Variants in IL27RA observed in about 807,000 individuals in gnomAD.
IL27RA encodes interleukin-27 receptor subunit alpha.
A neutral mutation model predicts 80.8 loss-of-function variants in IL27RA; 61 were observed. The ratio of observed to expected loss-of-function variants is 0.76; its 90% CI spans 0.61 to 0.93. IL27RA has a LOEUF of 0.93. Among genes scored for constraint, IL27RA ranks in the 40% least tolerant of loss-of-function variants. The pLI is 0.00. For missense variants in IL27RA, 735 were observed against 808.1 expected, an observed-to-expected ratio of 0.91 and a Z score of 1.10; for synonymous variants, 316 against 332.5, an observed-to-expected ratio of 0.95 and a Z score of 0.54.
Position 14,052,410 on chromosome 19 carries a change from CA to C in IL27RA, c.*121del. 2 of 823,498 alleles carry C rather than the reference CA, an allele frequency of 2.4e-6. No homozygotes were observed. Among genetic ancestry groups the C allele is most frequent in the Non-Finnish European group, 3.6e-6 (2 of 561,386 alleles). The allele number at this position is 823,498 out of a possible 1,614,324, so 51.0% of individuals were successfully genotyped here. ...CACTGAGGACTCAGAGAGGCTGAGTCACTTACCTGAGGACACCCAGCCAGGC... is the reference window on the plus strand; with the variant it reads ...CACTGAGGACTCAGAGAGGCTGAGTCCTTACCTGAGGACACCCAGCCAGGC... On this transcript the variant is annotated 3_prime_UTR_variant, in exon 14 of 14. Transcript: ENST00000263379.
Position 14,050,839 on chromosome 19 carries a change from C to G in IL27RA, c.1484C>G (p.Ala495Gly). The G allele has an allele frequency of 6.2e-7, 1 of 1,613,486 alleles. No individual in the cohort carries two copies. Among genetic ancestry groups the G allele is most frequent in the Non-Finnish European group, 8.5e-7 (1 of 1,179,500 alleles). The part of the protein sequence containing the change: ...CELWVTASTI[A>G]GQGPPGPILR... ...CTGTGGGTGACAGCATCTACCATCG[C>G]TGGACAGGGCCCTCCTGGTCCCATC... The change falls in exon 11 of 14, where the codon GCT becomes GGT. Residue 495 changes from alanine (A) to glycine (G), a missense_variant. By Grantham distance (60) the Ala-to-Gly change is moderately conservative. Transcript: ENST00000263379.
At chr19:14,038,849 A>G (rs1228012831) in intron 2 of IL27RA, among the ~76,000 whole-genome samples, 1 of 151,310 alleles carries the variant, frequency 6.6e-6, no homozygotes, top group Non-Finnish European at 1.5e-5. Context: ...GCACCATTGC[A>G]CTCCAAGCTG....
intron 10 of IL27RA, 103 bp from the exon 11 acceptor site, chr19:14,050,655 G>A: frequency 7.9e-7 from 1 of 1,263,406 alleles, no homozygotes; most frequent in Non-Finnish European, 1.1e-6. Flanking sequence ...AGGGAGCCAT[G>A]TGGATACCTG....
At chr19:14,045,940 G>T (rs576412763) in intron 6 of IL27RA, among the ~76,000 whole-genome samples, 2 of 152,144 alleles carry the variant, frequency 1.3e-5, no homozygotes, top group East Asian at 3.9e-4. Flanking sequence ...CAGGAACATC[G>T]CTTGAACCCG....
Position 14,050,660 on chromosome 19 carries a change from T to C in IL27RA, c.1403-98T>C, listed in dbSNP as rs1201460226. The stretch of plus-strand genomic sequence containing the variant: ...AGAGATGAGGAGGGAGCCATGTGGA[T>C]ACCTGGGAGAGAGTGTTGCAGACAG... On this transcript the variant is annotated intron_variant, in intron 10 of 13. Coordinates refer to ENST00000263379, the MANE Select transcript of IL27RA (RefSeq NM_004843.4). 5.4e-6 allele frequency: 7 copies of C among 1,303,392 alleles called. No individual in the cohort carries two copies. In the African/African-American group the frequency reaches 7.4e-5, roughly 14 times the overall value. The allele number at this position is 1,303,392 out of a possible 1,614,324, so 80.7% of individuals were successfully genotyped here.
At chr19:14,047,717 G>A (rs980890141) in intron 8 of IL27RA, among the ~76,000 whole-genome samples, 7 of 146,318 alleles carry the variant, frequency 4.8e-5, no homozygotes, top group South Asian at 2.2e-4. Flanking sequence ...GCAGTGGTGC[G>A]ATATCGGCTC....
chr19:14,050,729 T>C (rs1976148372), intron 10 of IL27RA, 29 bp from the exon 11 acceptor site: 1 of 1,595,126 alleles, frequency 6.3e-7, no homozygotes, highest in East Asian at 2.3e-5. Flanking sequence ...CTTGACCACC[T>C]CCCCAACTTC....
intron 4 of IL27RA, among the ~76,000 whole-genome samples, chr19:14,041,266 C>T (rs1363466291): frequency 6.6e-6 from 1 of 151,824 alleles, no homozygotes; most frequent in Admixed American, 6.6e-5. Flanking sequence ...GGTGCCATCT[C>T]AACTCACTGC....
At chr19:14,048,926 A>G in intron 8 of IL27RA, 55 bp from the exon 9 acceptor site, 1 of 1,467,706 alleles carries the variant, frequency 6.8e-7, no homozygotes, top group Non-Finnish European at 9.5e-7. Context: ...CACCTAGGAA[A>G]TGAGCATGGG....
intron 8 of IL27RA, among the ~76,000 whole-genome samples, chr19:14,048,271 A>C (rs1415907570): frequency 1.6e-5 from 2 of 127,394 alleles, no homozygotes; most frequent in Non-Finnish European, 3.3e-5. Context: ...AATCTTTATA[A>C]ATAAATAAAT....
intron 8 of IL27RA, among the ~76,000 whole-genome samples, chr19:14,048,079 C>T (rs1335293494): frequency 2.0e-5 from 3 of 151,602 alleles, no homozygotes; most frequent in African/African-American, 7.3e-5. Flanking sequence ...CACCTCAGCG[C>T]CCTGAGGAGC....
intron 4 of IL27RA, among the ~76,000 whole-genome samples, chr19:14,041,302 A>AT (rs1389354631): frequency 6.6e-6 from 1 of 151,604 alleles, no homozygotes; most frequent in African/African-American, 2.4e-5. Context: ...GGTTCAAGTG[A>AT]TTCCCCCACC....
rs539008835 is a variant in IL27RA at position 14,046,440 on chromosome 19, T to A, written c.963T>A (p.Ser321=). 3.7e-6 allele frequency: 6 copies of A among 1,614,128 alleles called. No homozygotes were observed. The African/African-American group carries it at 6.7e-5, about 18-fold the overall frequency. Residue 321 remains serine, a synonymous_variant, in exon 8 of 14, where the codon TCT becomes TCA. Transcript: ENST00000263379. ...CTCTCCACCCTCCAGATTCAGCCTC[T>A]GCCCCCCGTAGCGTGGCAGTCAGCA... The part of the protein sequence containing the change: ...NLSLVCLDSA[S]APRSVAVSSI...
chr19:14,036,591 C>T (rs570019026), intron 2 of IL27RA, among the ~76,000 whole-genome samples: 3 of 150,114 alleles, frequency 2.0e-5, no homozygotes, highest in African/African-American at 7.4e-5. Flanking sequence ...CCGGTCCAAG[C>T]GATTCTCGTG....
Position 14,052,456 on chromosome 19 carries a change from C to T in IL27RA, c.*166C>T. The T allele has an allele frequency of 1.9e-6, 1 of 533,098 alleles. No homozygotes were observed. Among genetic ancestry groups the T allele is most frequent in the East Asian group, 3.3e-5 (1 of 30,350 alleles). 33.0% of individuals were successfully genotyped at this position (533,098 alleles called of 1,614,324 possible). A position where few individuals can be genotyped will look rare whatever the true frequency, so the allele number is the denominator to read the frequency against. ...CCAGGCAGAGCTGGGATTGAAGGAC[C>T]CCTATAGAGAAGGGCTTGGCCCCCA... On this transcript the variant is annotated 3_prime_UTR_variant, in exon 14 of 14. Transcript: ENST00000263379.
intron 6 of IL27RA, among the ~76,000 whole-genome samples, chr19:14,043,293 C>G (rs1976018888): frequency 6.6e-6 from 1 of 152,106 alleles, no homozygotes; most frequent in African/African-American, 2.4e-5. Context: ...ATGTCAGCTG[C>G]TTCCGAGAGG....
At position 14,032,284 on chromosome 19, in the gene IL27RA, G is replaced by C. The variant is rs1238550423; in HGVS notation, c.101-102G>C. ...CCCTTCCTGCTGCTCATTTCCCTAA[G>C]CCCCCCCACCTTGCAATTGTCAGAA... On this transcript the variant is annotated intron_variant, in intron 1 of 13. Coordinates refer to ENST00000263379, the MANE Select transcript of IL27RA (RefSeq NM_004843.4). The C allele has an allele frequency of 6.6e-6, 6 of 910,564 alleles. No individual in the cohort carries two copies. The Admixed American group carries it at 1.3e-4, about 19-fold the overall frequency. The allele number at this position is 910,564 out of a possible 1,614,324, so 56.4% of individuals were successfully genotyped here.
At chr19:14,040,088 G>A (rs1263900902) in intron 4 of IL27RA, among the ~76,000 whole-genome samples, 178 bp downstream of exon 4, 1 of 152,162 alleles carries the variant, frequency 6.6e-6, no homozygotes. Context: ...CCATGGCTGG[G>A]CACGGTGGTT....
chr19:14,051,623 G>C lies in IL27RA; in HGVS notation c.1545G>C (p.Trp515Cys). 6.2e-7 allele frequency: 1 copy of C among 1,610,360 alleles called. No homozygotes were observed. The highest frequency in any genetic ancestry group is 8.5e-7 in the Non-Finnish European group (1 of 1,177,522). Residue 515 changes from tryptophan to cysteine, a missense_variant, in exon 12 of 14, where the codon TGG becomes TGC. Transcript: ENST00000263379. ...CCCTACCAGATAACACCCTGAGGTGGAAAGTTCTGCCGGGCATCCTATTCT... is the reference window on the plus strand; with the variant it reads ...CCCTACCAGATAACACCCTGAGGTGCAAAGTTCTGCCGGGCATCCTATTCT... ...RLHLPDNTLRWKVLPGILFLW... is the reference protein window; with the variant it reads ...RLHLPDNTLRCKVLPGILFLW...
Sources: allele counts gnomAD v4.1 joint callset (sites outside exome capture counted in the v4.1 genomes callset), GRCh38; gene constraint gnomAD v4.1.1; transcripts MANE v1.5; gene names NCBI Gene and HGNC (gene_info 2026-07-23, HGNC 2026-07-21).